The following SERPINA6 variants were observed in gnomAD, a reference collection of about 807,000 sequenced individuals.
SERPINA6 encodes serpin family A member 6, also known as corticosteroid-binding globulin.
A neutral mutation model predicts 26.4 loss-of-function variants in SERPINA6; 19 were observed. The observed-to-expected ratio is 0.72, with a 90% CI of 0.50 to 1.06. SERPINA6 has a LOEUF of 1.06. Ranked by LOEUF, SERPINA6 falls within the 50% of genes least tolerant of loss-of-function variation. The pLI, the probability that SERPINA6 is intolerant of heterozygous loss-of-function variation, is 0.00. For synonymous variants in SERPINA6, 196 were observed against 199.4 expected (o/e 0.98, Z 0.14); for missense variants, 473 against 504.0 (o/e 0.94, Z 0.59).
At chr14:94,311,874 G>A (rs888648816) in intron 2 of SERPINA6, among the ~76,000 whole-genome samples, 3 of 152,102 alleles carry the variant, frequency 2.0e-5, no homozygotes, top group Non-Finnish European at 4.4e-5. Flanking sequence ...CATGAACCCG[G>A]GAGGCGGAGC....
chr14:94,306,701 T>G (rs867694041), intron 3 of SERPINA6, among the ~76,000 whole-genome samples: 1 of 152,200 alleles, frequency 6.6e-6, no homozygotes, highest in African/African-American at 2.4e-5. Context: ...CAAAGGTGGT[T>G]GAACACAGGC....
In SERPINA6 at chr14:94,314,554, A is replaced by C; in HGVS notation, c.95T>G (p.Met32Arg). Residue 32 changes from methionine to arginine, a missense_variant, in exon 2 of 5, where the codon ATG becomes AGG. Met to Arg is a moderately conservative substitution (Grantham distance 91, BLOSUM62 -1). Coordinates refer to ENST00000341584, the MANE Select transcript of SERPINA6 (RefSeq NM_001756.4). The part of the protein sequence containing the change: ...AMDPNAAYVN[M>R]SNHHRGLASA... ...AGCCAGGCCCCGGTGATGGTTACTC[A>C]TGTTCACATAAGCAGCGTTAGGATC... 1 of 1,614,218 alleles carries C rather than the reference A, an allele frequency of 6.2e-7. No homozygotes were observed.
chr14:94,309,009 T>C (rs1240528218), intron 3 of SERPINA6, among the ~76,000 whole-genome samples: 1 of 152,234 alleles, frequency 6.6e-6, no homozygotes, highest in Non-Finnish European at 1.5e-5. Context: ...CATCCATTCA[T>C]TCAGGCATTC....
intron 4 of SERPINA6, 72 bp from the exon 5 acceptor site, chr14:94,304,675 A>C: frequency 7.6e-7 from 1 of 1,313,944 alleles, no homozygotes; most frequent in Non-Finnish European, 1.1e-6. Flanking sequence ...CATTGCTGGG[A>C]CCCTTCACAT....
intron 3 of SERPINA6, among the ~76,000 whole-genome samples, chr14:94,306,783 G>C (rs552248451): frequency 2.0e-5 from 3 of 152,252 alleles, no homozygotes; most frequent in Non-Finnish European, 2.9e-5. Context: ...GTTTCTACCA[G>C]ATGAAGCAGG....
chr14:94,307,454 T>C (rs1386904300), intron 3 of SERPINA6, among the ~76,000 whole-genome samples: 1 of 152,204 alleles, frequency 6.6e-6, no homozygotes, highest in East Asian at 1.9e-4. Context: ...CTTTAAGTTA[T>C]GTATTATTGA....
chr14:94,318,694 A>C (rs1222915108), intron 1 of SERPINA6, among the ~76,000 whole-genome samples: 1 of 152,198 alleles, frequency 6.6e-6, no homozygotes, highest in Non-Finnish European at 1.5e-5. Flanking sequence ...GATGAGTTAA[A>C]ATTATAAAAA....
At chr14:94,304,864 G>C (rs926291500) in intron 4 of SERPINA6, among the ~76,000 whole-genome samples, 3 of 152,140 alleles carry the variant, frequency 2.0e-5, no homozygotes, top group Admixed American at 6.5e-5. Flanking sequence ...AAGTCTCATG[G>C]CTTGAACTGG....
At chr14:94,305,920 A>G (rs1895431004) in intron 4 of SERPINA6, 151 bp downstream of exon 4, 3 of 792,976 alleles carry the variant, frequency 3.8e-6, no homozygotes, top group Non-Finnish European at 6.3e-6. Context: ...CATTTACCTC[A>G]TGGTGAGACA....
In SERPINA6 at chr14:94,304,304, G is replaced by A; in HGVS notation, c.*114C>T. ...CCTAAAGTTAGACACAACTCTGGTTGGAGGGAGAAGAACTTGGAGGAGATT... is the reference window on the plus strand; with the variant it reads ...CCTAAAGTTAGACACAACTCTGGTTAGAGGGAGAAGAACTTGGAGGAGATT... On this transcript the variant is annotated 3_prime_UTR_variant, in exon 5 of 5. Coordinates refer to ENST00000341584, the MANE Select transcript of SERPINA6 (RefSeq NM_001756.4). 9.9e-7 allele frequency: 1 copy of A among 1,012,758 alleles called. No homozygotes were observed. Among genetic ancestry groups the A allele is most frequent in the Non-Finnish European group, 1.6e-6 (1 of 634,736 alleles). 62.7% of individuals were successfully genotyped at this position (1,012,758 alleles called of 1,614,324 possible).
chr14:94,306,058 C>T lies in SERPINA6; in HGVS notation c.1032+13G>A, dbSNP rs1201389705. On this transcript the variant is annotated intron_variant, in intron 4 of 4. Coordinates refer to ENST00000341584, the MANE Select transcript of SERPINA6 (RefSeq NM_001756.4). ...TGGAGGGGGAAGAAAAGGTGGGTTC[C>T]CATGACATTTACCTTTGATGACTTC... 2.5e-6 allele frequency: 4 copies of T among 1,614,126 alleles called. No individual in the cohort carries two copies. The highest frequency in any genetic ancestry group is 3.4e-6 in the Non-Finnish European group (4 of 1,180,010).
intron 3 of SERPINA6, 60 bp from the exon 4 acceptor site, chr14:94,306,278 G>A: frequency 6.4e-7 from 1 of 1,558,994 alleles, no homozygotes; most frequent in Middle Eastern, 1.9e-4. Flanking sequence ...AGAGGGGAGA[G>A]CAGCACCTCT....
At chr14:94,313,777 T>C (rs1297688878) in intron 2 of SERPINA6, 3 of 623,304 alleles carry the variant, frequency 4.8e-6, no homozygotes, top group South Asian at 3.6e-5. Context: ...AGCCAGACTG[T>C]TCATGGTTAC....
In SERPINA6 at chr14:94,315,754, G is replaced by A. The variant is rs568036202; in HGVS notation, c.-19-1087C>T. On this transcript the variant is annotated intron_variant, in intron 1 of 4. Transcript: ENST00000341584. ...AAAAAGTTCCAAAAGACAGGGCAATGACATATTAATAAAGTTTTCAGTACA... is the reference window on the plus strand; with the variant it reads ...AAAAAGTTCCAAAAGACAGGGCAATAACATATTAATAAAGTTTTCAGTACA... Among the ~76,000 whole-genome samples the A allele has an allele frequency of 3.3e-5, 5 of 152,274 alleles. No homozygotes were observed. The East Asian group carries it at 7.7e-4, about 23-fold the overall frequency.
In SERPINA6 at chr14:94,314,108, T is replaced by C. The variant is rs1215754630; in HGVS notation, c.541A>G (p.Lys181Glu). Residue 181 changes from lysine (K) to glutamate (E), a missense_variant, in exon 2 of 5, where the codon AAA (lysine) becomes GAA (glutamate). Physicochemically the swap from Lys to Glu is moderately conservative, Grantham distance 56 (BLOSUM62 1). Coordinates refer to ENST00000341584, the MANE Select transcript of SERPINA6 (RefSeq NM_001756.4). The stretch of plus-strand genomic sequence containing the variant: ...AGCCCTGAAAACAAGTCGACAATTT[T>C]CCCCTGTGTCTTATTCTTGACATAG... ...NSYVKNKTQG[K>E]IVDLFSGLDS... 1 of 1,614,184 alleles carries C rather than the reference T, an allele frequency of 6.2e-7. No homozygotes were observed. Among genetic ancestry groups the C allele is most frequent in the Non-Finnish European group, 8.5e-7 (1 of 1,180,028 alleles).
At chr14:94,313,798 C>T (rs1018275109) in intron 2 of SERPINA6, 13 of 659,408 alleles carry the variant, frequency 2.0e-5, no homozygotes, top group African/African-American at 3.5e-5. Context: ...AGGTGTGGGC[C>T]TCAAACCAAC....
In SERPINA6 at chr14:94,309,753, G is replaced by A. The variant is rs749259152; in HGVS notation, c.867C>T (p.Ser289=). Residue 289 remains serine, a synonymous_variant, in exon 3 of 5, where the codon TCC becomes TCT. Coordinates refer to ENST00000341584, the MANE Select transcript of SERPINA6 (RefSeq NM_001756.4). ...ALSRDTINRW[S]AGLTSSQVDL... is the part of the protein sequence containing the mutation. ...GGACTTACCTGCTGGTCAGGCCTGC[G>A]GACCACCTGTTAATCGTGTCCCGGC... 7.4e-6 allele frequency: 12 copies of A among 1,613,930 alleles called. No homozygotes were observed. The highest frequency in any genetic ancestry group is 5.0e-5 in the Admixed American group (3 of 60,000).
Position 94,314,599 on chromosome 14 carries a change from A to T in SERPINA6, c.50T>A (p.Leu17His), listed in dbSNP as rs998572459. 5 of 1,614,216 alleles carry T rather than the reference A, an allele frequency of 3.1e-6. No individual in the cohort carries two copies. Among genetic ancestry groups the T allele is most frequent in the Middle Eastern group, 1.6e-4 (1 of 6,062 alleles). ...AGGATCCATGGCCTGGACGGTCCAG[A>T]GGCCGCTGGTGGGCAGCCAGAGAAG... ...TCLLWLPTSG[L>H]WTVQAMDPNA... The change falls in exon 2 of 5, where the codon CTC (leucine) becomes CAC (histidine). Residue 17 changes from leucine to histidine, a missense_variant. Physicochemically the swap from Leu to His is moderately conservative, Grantham distance 99. Coordinates refer to ENST00000341584, the MANE Select transcript of SERPINA6 (RefSeq NM_001756.4).
At chr14:94,305,126 G>A (rs1470060768) in intron 4 of SERPINA6, among the ~76,000 whole-genome samples, 2 of 152,154 alleles carry the variant, frequency 1.3e-5, no homozygotes, top group Admixed American at 1.3e-4. Context: ...AAAAGACTCT[G>A]GTAACTCATA....
Sources: gnomAD v4.1 joint callset for allele counts (sites outside exome capture counted in the v4.1 genomes callset) on GRCh38, gnomAD v4.1.1 for gene constraint, MANE v1.5 for transcripts, NCBI Gene and HGNC (gene_info 2026-07-23, HGNC 2026-07-21) for gene names.